SVIL: variants seen among roughly 807,000 people sequenced by gnomAD.
SVIL encodes archvillin.
In SVIL, 101 loss-of-function variants were observed where a neutral mutation model predicts 240.4. The observed-to-expected ratio is 0.42, with a 90% CI of 0.36 to 0.50. SVIL has a LOEUF of 0.50. Ranked by LOEUF, SVIL falls within the 20% of genes least tolerant of loss-of-function variation. The pLI, the probability that SVIL is intolerant of heterozygous loss-of-function variation, is 0.01. For missense variants in SVIL, 2,512 were observed against 2,818.7 expected, an observed-to-expected ratio of 0.89 and a Z score of 2.46; for synonymous variants, 999 against 1,100.0, an observed-to-expected ratio of 0.91 and a Z score of 1.82.
At chr10:29,520,593 G>A (rs1466278139) in intron 16 of SVIL, among the ~76,000 whole-genome samples, 1 of 152,154 alleles carries the variant, frequency 6.6e-6, no homozygotes, top group African/African-American at 2.4e-5. Context: ...TACAAATAAT[G>A]TTCAAGAAGC....
chr10:29,601,640 G>A (rs540653423), intron 1 of SVIL, among the ~76,000 whole-genome samples: 35 of 152,352 alleles, frequency 2.3e-4, no homozygotes, highest in Admixed American at 2.2e-3. Flanking sequence ...GAACAGCCTG[G>A]AGAGTAAGAG....
chr10:29,579,260 A>G (rs1955833785), intron 1 of SVIL, among the ~76,000 whole-genome samples: 1 of 150,986 alleles, frequency 6.6e-6, no homozygotes, highest in South Asian at 2.1e-4. Context: ...ACGCGGTGAA[A>G]CCCCCTCTCT....
At chr10:29,499,481 T>C (rs148698321) in intron 17 of SVIL, among the ~76,000 whole-genome samples, 1,764 of 152,324 alleles carry the variant, frequency 0.012, 37 homozygotes, top group African/African-American at 0.04. Context: ...TTTAGATGAA[T>C]GCCTCTGTCC....
intron 1 of SVIL, among the ~76,000 whole-genome samples, chr10:29,589,442 T>C (rs1956300906): frequency 6.6e-6 from 1 of 152,090 alleles, no homozygotes; most frequent in Non-Finnish European, 1.5e-5. Context: ...CCCTTGCAAG[T>C]CCCCTGCAGC....
chr10:29,529,593 G>A, intron 12 of SVIL, 112 bp downstream of exon 12: 1 of 1,288,114 alleles, frequency 7.8e-7, no homozygotes, highest in South Asian at 1.8e-5. Flanking sequence ...CTTCTCTGTG[G>A]CTTCTAGCTA....
At position 29,508,494 on chromosome 10, in the gene SVIL, C is replaced by T. The variant is rs1589039485; in HGVS notation, c.3516+4241G>A. ...GTATTTCATGCCTGGGTTCAAACAG[C>T]AGCATGCACGTGCTCACACAATAGG... On this transcript the variant is annotated intron_variant, in intron 17 of 37. Transcript: ENST00000355867. 9.8e-6 allele frequency: 9 copies of T among 915,578 alleles called. No homozygotes were observed. The East Asian group carries it at 5.5e-4, about 56-fold the overall frequency. The allele number at this position is 915,578 out of a possible 1,614,324, so 56.7% of individuals were successfully genotyped here. A position where few individuals can be genotyped will look rare whatever the true frequency, so the allele number is the denominator to read the frequency against.
chr10:29,546,511 T>A (rs1361940254), intron 6 of SVIL, among the ~76,000 whole-genome samples: 1 of 152,236 alleles, frequency 6.6e-6, no homozygotes, highest in Non-Finnish European at 1.5e-5. Flanking sequence ...TACTAAAGAA[T>A]TGTAAAATAA....
chr10:29,545,526 T>C (rs1952578731), intron 6 of SVIL, among the ~76,000 whole-genome samples: 1 of 152,122 alleles, frequency 6.6e-6, no homozygotes. Context: ...ACAAAACTAA[T>C]AAACGAGGGT....
chr10:29,474,680 C>G (rs1205433157), intron 29 of SVIL, among the ~76,000 whole-genome samples: 1 of 152,050 alleles, frequency 6.6e-6, no homozygotes, highest in Non-Finnish European at 1.5e-5. Context: ...ACTAAGGGCT[C>G]ACACAGACAC....
intron 16 of SVIL, among the ~76,000 whole-genome samples, chr10:29,513,397 C>T (rs1299586149): frequency 6.6e-6 from 1 of 152,110 alleles, no homozygotes; most frequent in Non-Finnish European, 1.5e-5. Context: ...GGTGAAACCC[C>T]ATCTCTACTA....
intron 2 of SVIL, among the ~76,000 whole-genome samples, chr10:29,668,469 T>C (rs1274197850): frequency 1.3e-5 from 2 of 151,900 alleles, no homozygotes; most frequent in Admixed American, 6.6e-5. Flanking sequence ...AGAAGTAAAA[T>C]CTAAGATAAT....
intron 2 of SVIL, among the ~76,000 whole-genome samples, chr10:29,682,158 C>G (rs535900091): frequency 6.6e-5 from 10 of 152,166 alleles, no homozygotes; most frequent in African/African-American, 1.9e-4. Flanking sequence ...GAATCTTCTA[C>G]GCCTTAAGCA....
intron 1 of SVIL, among the ~76,000 whole-genome samples, chr10:29,621,563 A>G (rs1193861323): frequency 1.3e-5 from 2 of 152,254 alleles, no homozygotes; most frequent in African/African-American, 4.8e-5. Context: ...AGATCCCTCT[A>G]ACAAGAAATA....
intron 1 of SVIL, among the ~76,000 whole-genome samples, chr10:29,609,390 A>T (rs1449861733): frequency 6.6e-6 from 1 of 152,128 alleles, no homozygotes; most frequent in Non-Finnish European, 1.5e-5. Flanking sequence ...ACCCCACATG[A>T]TGGGAAACAG....
intron 1 of SVIL, among the ~76,000 whole-genome samples, chr10:29,702,954 T>A (rs1424094883): frequency 6.6e-6 from 1 of 152,112 alleles, no homozygotes; most frequent in Non-Finnish European, 1.5e-5. Flanking sequence ...TCACAAATAT[T>A]CGTTAAATGA....
At chr10:29,639,320 C>A (rs1157822485), upstream of SVIL, among the ~76,000 whole-genome samples, 1 of 151,680 alleles carries the variant, frequency 6.6e-6, no homozygotes, top group Non-Finnish European at 1.5e-5. Flanking sequence ...TACAGGTGTG[C>A]GCTAGCACAC....
chr10:29,524,350 C>A, intron 14 of SVIL, 122 bp downstream of exon 14: 1 of 1,456,838 alleles, frequency 6.9e-7, no homozygotes, highest in Non-Finnish European at 9.3e-7. Context: ...TACCAAATCA[C>A]CTACAGGTAG....
intron 1 of SVIL, among the ~76,000 whole-genome samples, chr10:29,717,843 T>A (rs560077015): frequency 3.3e-5 from 5 of 152,314 alleles, no homozygotes; most frequent in Non-Finnish European, 5.9e-5. Flanking sequence ...ATAAATTTTA[T>A]AAAAGCTAAA....
In SVIL at chr10:29,529,175, CAAAAAAAAA is replaced by C. The variant is rs66523560; in HGVS notation, c.2246+521_2246+529del. On this transcript the variant is annotated intron_variant, in intron 12 of 37. Transcript: ENST00000355867. The stretch of plus-strand genomic sequence containing the variant: ...TGGGTGACAGAGCAAGACTCTCTCT[CAAAAAAAAA>C]AAAAAAAAAAAAAAAAAAAGAAAAA... 8.6e-4 allele frequency among the ~76,000 whole-genome samples: 57 copies of C among 66,058 alleles called. 1 individual carries two copies. The highest frequency in any genetic ancestry group is 1.1e-3 in the Non-Finnish European group (40 of 35,612). 43.3% of individuals were successfully genotyped at this position (66,058 alleles called of 152,430 possible). A position where few individuals can be genotyped will look rare whatever the true frequency, so the allele number is the denominator to read the frequency against.
Sources: allele counts gnomAD v4.1 joint callset (sites outside exome capture counted in the v4.1 genomes callset), GRCh38; gene constraint gnomAD v4.1.1; transcripts MANE v1.5; gene names NCBI Gene and HGNC (gene_info 2026-07-23, HGNC 2026-07-21).